Variants in PLA1A observed in about 807,000 individuals in gnomAD.
PLA1A encodes the protein phosphatidylserine-specific phospholipase A1alpha.
In PLA1A, 47 loss-of-function variants were observed where a neutral mutation model predicts 49.4. The observed-to-expected ratio is 0.95, with a 90% confidence interval of 0.75 to 1.21. The LOEUF is 1.21. PLA1A is among the 50% of genes most tolerant of loss of function. The probability of loss-of-function intolerance (pLI) is 0.00; values close to 1 mark genes in which losing one functional copy is unlikely to be tolerated. For synonymous variants in PLA1A, 224 were observed against 207.9 expected (o/e 1.08, Z -0.67); for missense variants, 561 against 563.9 (o/e 0.99, Z 0.05).
intron 8 of PLA1A, among the ~76,000 whole-genome samples, chr3:119,624,288 G>A (rs2107799987): frequency 6.6e-6 from 1 of 152,290 alleles, no homozygotes; most frequent in Admixed American, 6.5e-5. Context: ...TAAGGGCCCT[G>A]CCAATTCCCT....
chr3:119,614,849 G>A (rs2082823837), intron 5 of PLA1A, among the ~76,000 whole-genome samples: 1 of 152,162 alleles, frequency 6.6e-6, no homozygotes, highest in South Asian at 2.1e-4. Flanking sequence ...TGCCTACATG[G>A]AGCTTACAGG....
intron 2 of PLA1A, among the ~76,000 whole-genome samples, chr3:119,607,614 C>T (rs1027175606): frequency 3.3e-5 from 5 of 152,210 alleles, no homozygotes; most frequent in African/African-American, 1.2e-4. Context: ...AAAGGCTGTG[C>T]ACAAAGGACC....
In PLA1A at chr3:119,622,931, ATTC is replaced by A. The variant is rs1176275531; in HGVS notation, c.1013-2188_1013-2186del. On this transcript the variant is annotated intron_variant, in intron 8 of 10. Transcript: ENST00000273371. Reference sequence around the variant, plus strand: ...AACCTCCGCCTCTTGGGTTCAAGCAATTCTTCTGCCTCAGCCTCCCGAGTAGCT... The same window carrying A: ...AACCTCCGCCTCTTGGGTTCAAGCAATTCTGCCTCAGCCTCCCGAGTAGCT... Among the ~76,000 whole-genome samples, 3 of 152,054 alleles carry A rather than the reference ATTC, an allele frequency of 2.0e-5. No homozygotes were observed. In the East Asian group the frequency reaches 5.8e-4, roughly 29 times the overall value.
chr3:119,628,776 C>A lies in PLA1A; in HGVS notation c.1197C>A (p.Phe399Leu), dbSNP rs115172544. 1.8e-3 allele frequency: 2,883 copies of A among 1,613,962 alleles called. 42 individuals carry two copies. The African/African-American group carries it at 0.033, about 18-fold the overall frequency. Residue 399 changes from phenylalanine to leucine, a missense_variant, in exon 10 of 11, where the codon TTC becomes TTA. Coordinates refer to ENST00000273371, the MANE Select transcript of PLA1A (RefSeq NM_015900.4). ...TPQCQINQVK[F>L]KFQSSNRVWK... is the part of the protein sequence containing the mutation. ...AATGCCAGATAAACCAAGTGAAATTCAAGTTTCAGTCTTCCAACCGAGTTT... is the reference window on the plus strand; with the variant it reads ...AATGCCAGATAAACCAAGTGAAATTAAAGTTTCAGTCTTCCAACCGAGTTT...
At chr3:119,623,461 C>T (rs1027305561) in intron 8 of PLA1A, among the ~76,000 whole-genome samples, 2 of 151,990 alleles carry the variant, frequency 1.3e-5, no homozygotes, top group African/African-American at 4.8e-5. Context: ...ATCTTTCTTA[C>T]CTTCTCTTGC....
At chr3:119,609,708 A>C in intron 4 of PLA1A, 132 bp downstream of exon 4, 1 of 509,806 alleles carries the variant, frequency 2.0e-6, no homozygotes. Context: ...ATTACCACTA[A>C]AATTTATTTA....
chr3:119,604,993 C>T (rs191593023), intron 1 of PLA1A, among the ~76,000 whole-genome samples: 2 of 152,300 alleles, frequency 1.3e-5, no homozygotes, highest in Admixed American at 6.5e-5. Context: ...ATATTATGCT[C>T]ATTTAAAAGG....
intron 2 of PLA1A, among the ~76,000 whole-genome samples, chr3:119,608,268 GAA>G: frequency 6.7e-6 from 1 of 149,684 alleles, no homozygotes; most frequent in Non-Finnish European, 1.5e-5. Flanking sequence ...AAGAAAGAAA[GAA>G]AGAAAGAAAG....
rs144346804 is a variant in PLA1A at position 119,620,248 on chromosome 3, C to T, written c.1012+596C>T. ...GCTATGTGCATCTTAACTAGGGTGA[C>T]TATACTTCCTGGTTTATGCTGGTTA... is the stretch of plus-strand genomic sequence containing the variant. On this transcript the variant is annotated intron_variant, in intron 8 of 10. Transcript: ENST00000273371. The T allele has an allele frequency of 2.8e-3, 1,185 of 430,862 alleles. 12 individuals carry two copies. The highest frequency in any genetic ancestry group is 0.021 in the African/African-American group (1,039 of 49,748). 26.7% of individuals were successfully genotyped at this position (430,862 alleles called of 1,614,324 possible).
intron 9 of PLA1A, 74 bp downstream of exon 9, chr3:119,625,306 TC>T: frequency 1.0e-6 from 1 of 953,588 alleles, no homozygotes; most frequent in Non-Finnish European, 1.7e-6. Flanking sequence ...CACATGGACA[TC>T]CCAGGTCAGG....
At chr3:119,614,469 G>C (rs1053776206) in intron 5 of PLA1A, among the ~76,000 whole-genome samples, 3 of 152,058 alleles carry the variant, frequency 2.0e-5, no homozygotes, top group Middle Eastern at 3.2e-3. Flanking sequence ...AGTGAGGCGT[G>C]GTGGTAGGCA....
intron 7 of PLA1A, 100 bp downstream of exon 7, chr3:119,618,286 C>T: frequency 9.4e-6 from 10 of 1,060,848 alleles, no homozygotes; most frequent in Non-Finnish European, 1.4e-5. Flanking sequence ...GTCAAGAATT[C>T]TATCCAATTT....
At chr3:119,618,609 C>T (rs1056596614) in intron 7 of PLA1A, among the ~76,000 whole-genome samples, 2 of 152,180 alleles carry the variant, frequency 1.3e-5, no homozygotes, top group Admixed American at 1.3e-4. Flanking sequence ...CTGGTGGCCT[C>T]GTGAGAGCTG....
intron 6 of PLA1A, 74 bp from the exon 7 acceptor site, chr3:119,617,945 A>G (rs2082873103): frequency 8.4e-7 from 1 of 1,193,916 alleles, no homozygotes; most frequent in Non-Finnish European, 1.2e-6. Flanking sequence ...ATAAAATTCA[A>G]TAGAGTTTCA....
In PLA1A at chr3:119,608,090, A is replaced by G. The variant is rs2082712550; in HGVS notation, c.276-680A>G. Among the ~76,000 whole-genome samples the G allele has an allele frequency of 2.0e-5, 3 of 152,114 alleles. No homozygotes were observed. In the South Asian group the frequency reaches 6.2e-4, roughly 32 times the overall value. ...CTTTATTTTTTGGAAAGCACCTAGC[A>G]TACTGCCTGGCCCATAGGTACTCAA... On this transcript the variant is annotated intron_variant, in intron 2 of 10. Coordinates refer to ENST00000273371, the MANE Select transcript of PLA1A (RefSeq NM_015900.4).
At chr3:119,628,505 T>G (rs1387061252) in intron 9 of PLA1A, among the ~76,000 whole-genome samples, 196 bp from the exon 10 acceptor site, 1 of 152,212 alleles carries the variant, frequency 6.6e-6, no homozygotes, top group East Asian at 1.9e-4. Context: ...CAACAACTAC[T>G]TTCTTGGTCA....
intron 1 of PLA1A, 69 bp from the exon 2 acceptor site, chr3:119,606,705 A>G (rs530389): frequency 0.22 from 289,314 of 1,293,306 alleles, 37,048 homozygotes; most frequent in East Asian, 0.47. Context: ...TTCCAAGGTC[A>G]TCTTTCTTCC....
chr3:119,615,909 T>A, intron 5 of PLA1A, 103 bp from the exon 6 acceptor site: 1 of 710,028 alleles, frequency 1.4e-6, no homozygotes, highest in Non-Finnish European at 2.6e-6. Context: ...CACTTAGAAG[T>A]GACGTGGCAG....
intron 9 of PLA1A, among the ~76,000 whole-genome samples, chr3:119,625,664 A>G: frequency 6.6e-6 from 1 of 152,186 alleles, no homozygotes; most frequent in Middle Eastern, 3.2e-3. Flanking sequence ...TGGGTCAGTT[A>G]CCAGAATGGA....
Sources: gnomAD v4.1 joint callset for allele counts (sites outside exome capture counted in the v4.1 genomes callset) on GRCh38, gnomAD v4.1.1 for gene constraint, MANE v1.5 for transcripts, NCBI Gene and HGNC (gene_info 2026-07-23, HGNC 2026-07-21) for gene names.